TNS1: variants seen among roughly 807,000 people sequenced by gnomAD.
TNS1 encodes the protein tensin-1.
In TNS1, 62 loss-of-function variants were observed where a neutral mutation model predicts 168.6. The ratio of observed to expected loss-of-function variants is 0.37; its 90% confidence interval spans 0.30 to 0.45. The LOEUF is 0.45. Among genes scored for constraint, TNS1 ranks in the 20% least tolerant of loss-of-function variants. TNS1 has a pLI of 1.00. For missense variants in TNS1, 2,240 were observed against 2,339.4 expected, an observed-to-expected ratio of 0.96 and a Z score of 0.88; for synonymous variants, 934 against 933.2, an observed-to-expected ratio of 1.00 and a Z score of -0.02.
chr2:217,865,179 A>C (rs1390221919), intron 18 of TNS1, among the ~76,000 whole-genome samples: 1 of 152,178 alleles, frequency 6.6e-6, no homozygotes, highest in African/African-American at 2.4e-5. Context: ...AGAGGTGGCT[A>C]TGAGTACAGG....
At chr2:217,863,586 G>C (rs1046674135) in intron 18 of TNS1, among the ~76,000 whole-genome samples, 1 of 152,126 alleles carries the variant, frequency 6.6e-6, no homozygotes, top group Non-Finnish European at 1.5e-5. Flanking sequence ...TAAGACTCAA[G>C]AGTCTTGGGT....
chr2:217,900,528 G>C lies in TNS1; in HGVS notation c.322-16C>G. ...TGGTGGAGCCCTGGGAAGGAGAGAA[G>C]AGAAGCAGCATTATGCAGGGGTGGG... On this transcript the variant is annotated splice_polypyrimidine_tract_variant and intron_variant, in intron 6 of 32. Coordinates refer to ENST00000682258, the MANE Select transcript of TNS1 (RefSeq NM_001387777.1). The C allele has an allele frequency of 5.2e-6, 8 of 1,535,826 alleles. No homozygotes were observed. Among genetic ancestry groups the C allele is most frequent in the Non-Finnish European group, 6.1e-6 (7 of 1,146,724 alleles).
intron 31 of TNS1, 149 bp from the exon 32 acceptor site, chr2:217,808,256 G>T: frequency 1.1e-6 from 1 of 947,770 alleles, no homozygotes; most frequent in Non-Finnish European, 1.6e-6. Flanking sequence ...ATTCCCCAGG[G>T]ACAGGAGCTG....
At chr2:217,842,847 C>T (rs1946160763) in intron 19 of TNS1, among the ~76,000 whole-genome samples, 1 of 152,194 alleles carries the variant, frequency 6.6e-6, no homozygotes, top group Non-Finnish European at 1.5e-5. Context: ...CTTGTTGCTC[C>T]ATGGGGCTCA....
intron 16 of TNS1, among the ~76,000 whole-genome samples, chr2:217,882,683 T>C (rs1405511277): frequency 6.6e-6 from 1 of 152,178 alleles, no homozygotes; most frequent in Non-Finnish European, 1.5e-5. Flanking sequence ...AATTTACCTC[T>C]AAGACTCTAA....
chr2:217,835,232 A>T (rs1452576213), intron 20 of TNS1, 66 bp from the exon 21 acceptor site: 2 of 1,483,344 alleles, frequency 1.3e-6, no homozygotes, highest in African/African-American at 1.4e-5. Flanking sequence ...CCTTCAGATG[A>T]CCTGAGGTAT....
intron 3 of TNS1, among the ~76,000 whole-genome samples, chr2:217,955,800 C>T: frequency 6.6e-6 from 1 of 152,198 alleles, no homozygotes; most frequent in Admixed American, 6.5e-5. Context: ...TCCCTCCTGG[C>T]CAGCTCTTGG....
intron 3 of TNS1, among the ~76,000 whole-genome samples, chr2:217,934,483 T>C (rs1293238090): frequency 6.6e-6 from 1 of 152,182 alleles, no homozygotes; most frequent in Non-Finnish European, 1.5e-5. Flanking sequence ...TACTCACAAC[T>C]GTTACTCACT....
intron 1 of TNS1, among the ~76,000 whole-genome samples, chr2:218,025,603 C>A (rs567902840): frequency 6.6e-6 from 1 of 151,290 alleles, no homozygotes; most frequent in East Asian, 1.9e-4. Flanking sequence ...CAGACCCCCC[C>A]ACAGGCTTGT....
chr2:217,929,574 A>G (rs1293452129), intron 3 of TNS1, among the ~76,000 whole-genome samples: 1 of 151,878 alleles, frequency 6.6e-6, no homozygotes, highest in African/African-American at 2.4e-5. Context: ...CCAGGGCATG[A>G]CCCGTCAGCA....
Position 217,886,046 on chromosome 2 carries a change from G to T in TNS1, c.1038C>A (p.Ile346=). Residue 346 remains isoleucine (I), a splice_region_variant and synonymous_variant, in exon 14 of 33, where the codon ATC becomes ATA. Transcript: ENST00000682258. ...QAMQPVYTSG[I]YNIPGDSQTS... Reference sequence around the variant, plus strand: ...TCTCACGCCCATGTAATACTTACTAGATGCCAGATGTGTACACAGGTTGCA... The same window carrying T: ...TCTCACGCCCATGTAATACTTACTATATGCCAGATGTGTACACAGGTTGCA... 6.2e-7 allele frequency: 1 copy of T among 1,614,084 alleles called. No homozygotes were observed. Among genetic ancestry groups the T allele is most frequent in the Non-Finnish European group, 8.5e-7 (1 of 1,179,998 alleles).
At chr2:217,824,887 C>A (rs1048200916) in intron 22 of TNS1, among the ~76,000 whole-genome samples, 2 of 152,150 alleles carry the variant, frequency 1.3e-5, no homozygotes, top group African/African-American at 4.8e-5. Flanking sequence ...CCCGTGGGCT[C>A]CCAGAGCCTG....
intron 25 of TNS1, among the ~76,000 whole-genome samples, chr2:217,814,514 C>T (rs969563283): frequency 6.6e-6 from 1 of 152,160 alleles, no homozygotes; most frequent in African/African-American, 2.4e-5. Flanking sequence ...CATGGGCTGC[C>T]GTTGCTGACC....
chr2:217,933,505 C>CA (rs765507431), intron 3 of TNS1, among the ~76,000 whole-genome samples: 10 of 152,292 alleles, frequency 6.6e-5, no homozygotes, highest in Non-Finnish European at 1.5e-4. Flanking sequence ...TCAGCACCGC[C>CA]AACACATCCA....
At position 217,893,484 on chromosome 2, in the gene TNS1, T is replaced by A. The variant is rs540806096; in HGVS notation, c.672A>T (p.Thr224=). The A allele has an allele frequency of 2.5e-6, 4 of 1,612,936 alleles. No homozygotes were observed. Among genetic ancestry groups the A allele is most frequent in the South Asian group, 1.1e-5 (1 of 90,960 alleles). ...CATTGTGAGGGTCTGCATTGAGCCATGTGTCCATGGCCTTACAGATGCTGC... is the reference window on the plus strand; with the variant it reads ...CATTGTGAGGGTCTGCATTGAGCCAAGTGTCCATGGCCTTACAGATGCTGC... ...KICSICKAMD[T]WLNADPHNVV... The change falls in exon 10 of 33, where the codon ACA becomes ACT. Residue 224 remains threonine, a synonymous_variant. Coordinates refer to ENST00000682258, the MANE Select transcript of TNS1 (RefSeq NM_001387777.1).
chr2:217,901,497 C>T (rs1952974542), intron 6 of TNS1, among the ~76,000 whole-genome samples: 1 of 152,200 alleles, frequency 6.6e-6, no homozygotes, highest in African/African-American at 2.4e-5. Context: ...CCTGCATCGC[C>T]TCTACCCATC....
upstream of TNS1, among the ~76,000 whole-genome samples, chr2:218,011,940 G>T (rs1444584260): frequency 6.6e-6 from 1 of 152,206 alleles, no homozygotes; most frequent in African/African-American, 2.4e-5. Flanking sequence ...GATAAAAGCT[G>T]GAGGGGGCAT....
chr2:217,838,179 C>T (rs1366118560), intron 19 of TNS1, among the ~76,000 whole-genome samples: 2 of 152,218 alleles, frequency 1.3e-5, no homozygotes, highest in African/African-American at 2.4e-5. Flanking sequence ...CTGGCAGATC[C>T]CTCTGCCTTT....
At chr2:218,027,209 C>A (rs1480568863) in intron 1 of TNS1, among the ~76,000 whole-genome samples, 1 of 152,148 alleles carries the variant, frequency 6.6e-6, no homozygotes, top group Non-Finnish European at 1.5e-5. Flanking sequence ...CGTCTTCCAC[C>A]CTGAGCCAGG....
Sources: gnomAD v4.1 joint callset for allele counts (sites outside exome capture counted in the v4.1 genomes callset) on GRCh38, gnomAD v4.1.1 for gene constraint, MANE v1.5 for transcripts, NCBI Gene and HGNC (gene_info 2026-07-23, HGNC 2026-07-21) for gene names.